Variants in WWOX observed in about 807,000 individuals in gnomAD.
WWOX encodes WW domain-containing oxidoreductase.
Under a neutral mutation model 46.2 loss-of-function variants are expected in WWOX, and 69 were observed. The ratio of observed to expected loss-of-function variants is 1.49; its 90% CI spans 1.23 to 1.82. WWOX has a LOEUF of 1.82. Among genes scored for constraint, WWOX ranks in the 40% most tolerant of loss-of-function variants. The probability of loss-of-function intolerance (pLI) is 0.00; values close to 1 mark genes in which losing one functional copy is unlikely to be tolerated. For synonymous variants in WWOX, 359 were observed against 202.6 expected (o/e 1.77, Z -6.56); for missense variants, 919 against 542.6 (o/e 1.69, Z -6.89).
intron 5 of WWOX, among the ~76,000 whole-genome samples, chr16:78,311,149 G>T (rs529263865): frequency 6.6e-6 from 1 of 152,202 alleles, no homozygotes; most frequent in African/African-American, 2.4e-5. Flanking sequence ...GGGGGCGGTG[G>T]GTGAAGTGTG....
At chr16:78,562,596 G>C (rs575138790) in intron 8 of WWOX, among the ~76,000 whole-genome samples, 11 of 152,186 alleles carry the variant, frequency 7.2e-5, no homozygotes, top group African/African-American at 2.7e-4. Flanking sequence ...TGCTGGGCCT[G>C]TCACTTACTC....
intron 8 of WWOX, among the ~76,000 whole-genome samples, chr16:78,475,466 G>T (rs1334843296): frequency 6.6e-6 from 1 of 152,210 alleles, no homozygotes; most frequent in East Asian, 1.9e-4. Context: ...TAAGGTGTTG[G>T]TTTGTTATAA....
intron 5 of WWOX, among the ~76,000 whole-genome samples, chr16:78,321,061 A>G (rs1188582281): frequency 6.6e-6 from 1 of 152,130 alleles, no homozygotes; most frequent in Non-Finnish European, 1.5e-5. Flanking sequence ...ACTCATACTC[A>G]GTGCTGCTAA....
At position 79,018,018 on chromosome 16, in the gene WWOX, G is replaced by C. The variant is rs964251349; in HGVS notation, c.1057-193590G>C. On this transcript the variant is annotated intron_variant, in intron 8 of 8. Coordinates refer to ENST00000566780, the MANE Select transcript of WWOX (RefSeq NM_016373.4). ...GGTTATGTACTGGGGCTAAAGATTT[G>C]GCTTGGAGTTTCCTGGTAGTCAAGG... Among the ~76,000 whole-genome samples the C allele has an allele frequency of 2.6e-5, 4 of 152,180 alleles. No homozygotes were observed. The East Asian group carries it at 7.7e-4, about 29-fold the overall frequency.
intron 8 of WWOX, among the ~76,000 whole-genome samples, chr16:79,123,231 A>G (rs2049676627): frequency 6.6e-6 from 1 of 152,104 alleles, no homozygotes; most frequent in East Asian, 1.9e-4. Flanking sequence ...GCATGATGGC[A>G]ATTGCCTGAC....
At chr16:78,668,688 C>G (rs898924004) in intron 8 of WWOX, among the ~76,000 whole-genome samples, 5 of 152,092 alleles carry the variant, frequency 3.3e-5, no homozygotes, top group African/African-American at 1.2e-4. Flanking sequence ...GAGCAGGCAT[C>G]AGATGGGCTT....
intron 8 of WWOX, among the ~76,000 whole-genome samples, chr16:78,661,457 C>G (rs1021940156): frequency 3.3e-5 from 5 of 152,098 alleles, no homozygotes; most frequent in East Asian, 1.9e-4. Context: ...ACTTTATCTG[C>G]TTAATACAAA....
At chr16:79,028,898 G>A (rs1203581589) in intron 8 of WWOX, among the ~76,000 whole-genome samples, 1 of 150,526 alleles carries the variant, frequency 6.6e-6, no homozygotes, top group Non-Finnish European at 1.5e-5. Flanking sequence ...TGAACCACTA[G>A]AAAAAAAAAT....
intron 8 of WWOX, among the ~76,000 whole-genome samples, chr16:79,038,760 G>A (rs1402169076): frequency 6.6e-6 from 1 of 152,096 alleles, no homozygotes; most frequent in East Asian, 1.9e-4. Flanking sequence ...ATATTGGCCA[G>A]ACTGCTCTTG....
At chr16:78,500,518 G>A (rs950751433) in intron 8 of WWOX, among the ~76,000 whole-genome samples, 28 of 151,796 alleles carry the variant, frequency 1.8e-4, no homozygotes, top group African/African-American at 6.8e-4. Context: ...ATTTTACCAT[G>A]AGAAGCCATA....
intron 8 of WWOX, among the ~76,000 whole-genome samples, chr16:78,497,224 A>G (rs2738729): frequency 0.74 from 112,159 of 152,108 alleles, 43,946 homozygotes; most frequent in Admixed American, 0.86. Context: ...ATTCCACAGC[A>G]CATACTCATT....
intron 5 of WWOX, chr16:78,270,520 C>G (rs1389208712): frequency 6.6e-6 from 1 of 152,208 alleles, no homozygotes; most frequent in Non-Finnish European, 1.5e-5. Context: ...TCCACATCCT[C>G]CCTGTGGGAC....
chr16:78,611,434 G>A (rs1014595081), intron 8 of WWOX, among the ~76,000 whole-genome samples: 8 of 152,176 alleles, frequency 5.3e-5, no homozygotes, highest in African/African-American at 1.9e-4. Flanking sequence ...ATTCTTTGGT[G>A]CATTTTATTG....
intron 8 of WWOX, among the ~76,000 whole-genome samples, chr16:79,099,581 T>C (rs955773575): frequency 1.4e-4 from 20 of 142,896 alleles, no homozygotes; most frequent in Admixed American, 9.5e-4. Flanking sequence ...TGCGTGTGTG[T>C]GTGTGTGTTT....
At chr16:78,601,858 G>A (rs1001479340) in intron 8 of WWOX, among the ~76,000 whole-genome samples, 15 of 151,916 alleles carry the variant, frequency 9.9e-5, no homozygotes, top group African/African-American at 2.9e-4. Context: ...ATCCCTACTC[G>A]GAGTTTTTCA....
intron 8 of WWOX, among the ~76,000 whole-genome samples, chr16:78,960,198 G>C (rs981012520): frequency 5.9e-5 from 9 of 152,306 alleles, no homozygotes; most frequent in African/African-American, 2.2e-4. Flanking sequence ...GATAGTACCT[G>C]ACTTGTAATG....
intron 7 of WWOX, among the ~76,000 whole-genome samples, chr16:78,432,225 C>A (rs897970916): frequency 6.6e-6 from 1 of 151,398 alleles, no homozygotes; most frequent in African/African-American, 2.4e-5. Context: ...TTCAGTGATT[C>A]TCTTGCTTCA....
intron 8 of WWOX, among the ~76,000 whole-genome samples, chr16:78,494,833 C>T (rs374211013): frequency 9.9e-5 from 15 of 152,248 alleles, no homozygotes; most frequent in East Asian, 3.9e-4. Context: ...CGGAGGAAGG[C>T]CTGTCAATTG....
intron 5 of WWOX, chr16:78,267,172 A>G (rs144925336): frequency 1.3e-5 from 2 of 152,616 alleles, no homozygotes; most frequent in Admixed American, 6.5e-5. Flanking sequence ...TGTCTTGGGT[A>G]TGTCTTTTTC....
Sources: gnomAD v4.1 joint callset for allele counts (sites outside exome capture counted in the v4.1 genomes callset) on GRCh38, gnomAD v4.1.1 for gene constraint, MANE v1.5 for transcripts, NCBI Gene and HGNC (gene_info 2026-07-23, HGNC 2026-07-21) for gene names.